Variants in USP32 observed in about 807,000 individuals in gnomAD.
USP32 encodes the protein ubiquitin carboxyl-terminal hydrolase 32.
USP32 carries 59 observed loss-of-function variants against 204.8 expected under a neutral mutation model. The observed-to-expected ratio is 0.29, with a 90% CI of 0.23 to 0.36. The LOEUF is 0.36. Among genes scored for constraint, USP32 ranks in the 10% least tolerant of loss-of-function variants. USP32 has a pLI of 1.00. For synonymous variants in USP32, 517 were observed against 678.4 expected (o/e 0.76, Z 3.70); for missense variants, 1,160 against 1,946.4 (o/e 0.60, Z 7.60).
rs77847606 is a variant in USP32, at chr17:60,221,257, G to A, written c.1749+1152C>T. Among the ~76,000 whole-genome samples, 34 of 152,162 alleles carry A rather than the reference G, an allele frequency of 2.2e-4. No individual in the cohort carries two copies. In the East Asian group the frequency reaches 3.3e-3, roughly 15 times the overall value. On this transcript the variant is annotated intron_variant, in intron 15 of 33. Coordinates refer to ENST00000300896, the MANE Select transcript of USP32 (RefSeq NM_032582.4). Reference sequence around the variant, plus strand: ...AAAAATTTAAAAATTAGCTGTTATGGTGGTGTGTGCCTGCAGTCTTAGCTA... The same window carrying A: ...AAAAATTTAAAAATTAGCTGTTATGATGGTGTGTGCCTGCAGTCTTAGCTA...
intron 1 of USP32, among the ~76,000 whole-genome samples, chr17:60,381,979 T>G (rs1244874269): frequency 6.6e-6 from 1 of 152,214 alleles, no homozygotes; most frequent in Admixed American, 6.5e-5. Flanking sequence ...TTTACTTTTT[T>G]TGTGTGTATG....
chr17:60,388,933 T>A (rs531819148), intron 1 of USP32, among the ~76,000 whole-genome samples: 1 of 152,214 alleles, frequency 6.6e-6, no homozygotes, highest in African/African-American at 2.4e-5. Flanking sequence ...AGGCCCCGCT[T>A]TGCAAGATAA....
At position 60,209,330 on chromosome 17, in the gene USP32, T is replaced by C. The variant is rs373850668; in HGVS notation, c.2598+40A>G. 2,205 of 1,177,852 alleles carry C rather than the reference T, an allele frequency of 1.9e-3. 5 individuals are homozygous for C. The highest frequency in any genetic ancestry group is 2.2e-3 in the Non-Finnish European group (1,955 of 874,782). 73.0% of individuals were successfully genotyped at this position (1,177,852 alleles called of 1,614,324 possible). On this transcript the variant is annotated intron_variant, in intron 22 of 33. Transcript: ENST00000300896. Reference sequence around the variant, plus strand: ...CTACATGTATTTGTGGCCAGAACATTTTGTCTATTGCTTACATTAGAAACT... The same window carrying C: ...CTACATGTATTTGTGGCCAGAACATCTTGTCTATTGCTTACATTAGAAACT...
intron 3 of USP32, 140 bp from the exon 4 acceptor site, chr17:60,294,941 A>C: frequency 1.8e-6 from 1 of 561,858 alleles, no homozygotes; most frequent in Non-Finnish European, 3.1e-6. Context: ...TATTCCTTAA[A>C]ATAATCCAGC....
In USP32 at chr17:60,252,734, T is replaced by C. The variant is rs182074360; in HGVS notation, c.1075-292A>G. ...GGAAGACATTACCTCAGGAACAGAT[T>C]TCAGAATAATTCTTCTGACACTTGC... On this transcript the variant is annotated intron_variant, in intron 10 of 33. Coordinates refer to ENST00000300896, the MANE Select transcript of USP32 (RefSeq NM_032582.4). 1.4e-3 allele frequency among the ~76,000 whole-genome samples: 216 copies of C among 152,296 alleles called. 1 individual carries two copies. The highest frequency in any genetic ancestry group is 4.8e-3 in the African/African-American group (200 of 41,574).
At chr17:60,366,118 C>T (rs1567877399) in intron 1 of USP32, among the ~76,000 whole-genome samples, 1 of 152,040 alleles carries the variant, frequency 6.6e-6, no homozygotes, top group Non-Finnish European at 1.5e-5. Context: ...GCTGGGATTA[C>T]AGGCATGTGA....
chr17:60,387,617 C>A (rs2089753215), intron 1 of USP32, among the ~76,000 whole-genome samples: 1 of 152,146 alleles, frequency 6.6e-6, no homozygotes, highest in South Asian at 2.1e-4. Context: ...AACAGAATTT[C>A]TAGTATTTTA....
At chr17:60,267,699 C>A (rs1187788930) in intron 7 of USP32, among the ~76,000 whole-genome samples, 3 of 151,364 alleles carry the variant, frequency 2.0e-5, no homozygotes, top group Non-Finnish European at 4.4e-5. Context: ...TTTTGTATTT[C>A]TAGTAGAGAC....
intron 1 of USP32, among the ~76,000 whole-genome samples, chr17:60,401,083 G>C (rs1447638397): frequency 6.6e-6 from 1 of 152,096 alleles, no homozygotes; most frequent in Admixed American, 6.6e-5. Flanking sequence ...TTGAACCGGG[G>C]AGGTAGAGGT....
intron 21 of USP32, among the ~76,000 whole-genome samples, 170 bp from the exon 22 acceptor site, chr17:60,209,713 AT>A (rs376579464): frequency 8.9e-4 from 135 of 151,704 alleles, no homozygotes; most frequent in African/African-American, 2.8e-3. Context: ...TTGAATCTTA[AT>A]GTCAAATGAC....
intron 1 of USP32, 132 bp downstream of exon 1, chr17:60,391,750 A>C (rs1463785959): frequency 6.1e-6 from 6 of 987,594 alleles, no homozygotes; most frequent in Non-Finnish European, 8.8e-6. Flanking sequence ...ACACTCCCCA[A>C]GGCCGGCCGC....
At chr17:60,242,253 T>C (rs891819968) in intron 11 of USP32, among the ~76,000 whole-genome samples, 3 of 152,148 alleles carry the variant, frequency 2.0e-5, no homozygotes, top group Non-Finnish European at 4.4e-5. Context: ...GCCTCCTGAG[T>C]AGCTGGGACT....
intron 1 of USP32, among the ~76,000 whole-genome samples, chr17:60,352,268 C>T (rs1426175835): frequency 1.3e-5 from 2 of 152,122 alleles, no homozygotes; most frequent in African/African-American, 2.4e-5. Flanking sequence ...ATCCTTTTGC[C>T]CTTATCTCTT....
chr17:60,325,489 A>G (rs2088211295), intron 2 of USP32, among the ~76,000 whole-genome samples: 1 of 152,196 alleles, frequency 6.6e-6, no homozygotes, highest in South Asian at 2.1e-4. Flanking sequence ...ATATTTACAT[A>G]GTCATAATAT....
intron 7 of USP32, among the ~76,000 whole-genome samples, chr17:60,267,217 T>C (rs2086616210): frequency 6.6e-6 from 1 of 150,788 alleles, no homozygotes; most frequent in Non-Finnish European, 1.5e-5. Context: ...ACCAGCCTGG[T>C]CAACATGGTG....
At position 60,179,095 on chromosome 17, in the gene USP32, T is replaced by C; in HGVS notation, c.*160A>G. ...TTCAAAATAAAATGATTACTACTCT[T>C]AAAGTTAACTATTTTAATTAGAATT... On this transcript the variant is annotated 3_prime_UTR_variant, in exon 34 of 34. Transcript: ENST00000300896. 2.4e-6 allele frequency: 2 copies of C among 849,910 alleles called. No homozygotes were observed. Among genetic ancestry groups the C allele is most frequent in the South Asian group, 4.5e-5 (2 of 44,798 alleles). The allele number at this position is 849,910 out of a possible 1,614,324, so 52.6% of individuals were successfully genotyped here. A position where few individuals can be genotyped will look rare whatever the true frequency, so the allele number is the denominator to read the frequency against.
At chr17:60,372,757 T>G (rs1185764917) in intron 1 of USP32, among the ~76,000 whole-genome samples, 1 of 144,230 alleles carries the variant, frequency 6.9e-6, no homozygotes, top group East Asian at 2.1e-4. Flanking sequence ...GGCAGGAGGA[T>G]AACTTGAGCC....
chr17:60,383,550 C>T (rs951513606), intron 1 of USP32, among the ~76,000 whole-genome samples: 8 of 152,196 alleles, frequency 5.3e-5, no homozygotes, highest in Admixed American at 4.6e-4. Context: ...ACAAACTGTT[C>T]AGAATATTGC....
intron 16 of USP32, among the ~76,000 whole-genome samples, chr17:60,217,538 A>G (rs1426402388): frequency 6.6e-6 from 1 of 151,996 alleles, no homozygotes; most frequent in Admixed American, 6.6e-5. Flanking sequence ...CTGGTGATTC[A>G]GCAGCCTCGG....
Sources: allele counts gnomAD v4.1 joint callset (sites outside exome capture counted in the v4.1 genomes callset), GRCh38; gene constraint gnomAD v4.1.1; transcripts MANE v1.5; gene names NCBI Gene and HGNC (gene_info 2026-07-23, HGNC 2026-07-21).